The following COL23A1 variants were observed in gnomAD, a reference collection of about 807,000 sequenced individuals.
The protein encoded by COL23A1 is collagen alpha-1(XXIII) chain.
In COL23A1, 97 loss-of-function variants were observed where a neutral mutation model predicts 99.3. That is an observed-to-expected ratio of 0.98 (90% confidence interval 0.83 to 1.16). The LOEUF (loss-of-function observed/expected upper bound fraction) is 1.16, where lower values mean the gene tolerates loss of function less well. Among genes scored for constraint, COL23A1 ranks in the 50% most tolerant of loss-of-function variants. The pLI is 0.00. For missense variants in COL23A1, 762 were observed against 757.4 expected (o/e 1.01, Z -0.07); for synonymous variants, 320 against 308.2 (o/e 1.04, Z -0.40).
intron 2 of COL23A1, among the ~76,000 whole-genome samples, chr5:178,355,152 T>C (rs1276803668): frequency 3.3e-5 from 5 of 152,106 alleles, no homozygotes; most frequent in Admixed American, 2.0e-4. Context: ...TAGAGATGAC[T>C]TAAAGCATAT....
chr5:178,584,342 A>C (rs1042549354), intron 1 of COL23A1, among the ~76,000 whole-genome samples: 9 of 148,894 alleles, frequency 6.0e-5, no homozygotes, highest in South Asian at 2.2e-4. Flanking sequence ...ACACACACAC[A>C]CCTAGAAATA....
intron 8 of COL23A1, 41 bp from the exon 9 acceptor site, chr5:178,263,365 G>A: frequency 7.8e-7 from 1 of 1,287,796 alleles, no homozygotes; most frequent in Non-Finnish European, 1.1e-6. Flanking sequence ...AGGGGGAGGG[G>A]GTCCAGCCTC....
intron 2 of COL23A1, among the ~76,000 whole-genome samples, chr5:178,323,724 C>T (rs532590524): frequency 2.6e-3 from 400 of 152,228 alleles, no homozygotes; most frequent in African/African-American, 9.1e-3. Flanking sequence ...TGGAGCAGGG[C>T]GCTGGAACGC....
rs115066855 is a variant in COL23A1 at position 178,285,532 on chromosome 5, A to G, written c.441+2792T>C. Among the ~76,000 whole-genome samples, 406 of 152,330 alleles carry G rather than the reference A, an allele frequency of 2.7e-3. 3 individuals are homozygous for G. Among genetic ancestry groups the G allele is most frequent in the African/African-American group, 9.2e-3 (381 of 41,574 alleles). On this transcript the variant is annotated intron_variant, in intron 5 of 28. Transcript: ENST00000390654. ...ATTTCTGAAACCCATCTTTTCTTCTATTGAGACTGTCAACGATGAGGAAAG... is the reference window on the plus strand; with the variant it reads ...ATTTCTGAAACCCATCTTTTCTTCTGTTGAGACTGTCAACGATGAGGAAAG...
intron 2 of COL23A1, among the ~76,000 whole-genome samples, chr5:178,464,946 A>T (rs146583942): frequency 1.8e-3 from 267 of 152,346 alleles, no homozygotes; most frequent in Non-Finnish European, 2.8e-3. Flanking sequence ...TCCTTCCAGA[A>T]TGCCACTGCT....
intron 1 of COL23A1, among the ~76,000 whole-genome samples, chr5:178,569,674 A>G (rs1202700634): frequency 6.6e-6 from 1 of 152,162 alleles, no homozygotes; most frequent in Non-Finnish European, 1.5e-5. Flanking sequence ...GCTGAAATCA[A>G]TGAGTCAGCT....
chr5:178,319,211 T>C (rs1581143875), intron 2 of COL23A1, among the ~76,000 whole-genome samples: 3 of 152,176 alleles, frequency 2.0e-5, no homozygotes, highest in South Asian at 2.1e-4. Flanking sequence ...CCCCAGAGCC[T>C]GTCATCTCCT....
chr5:178,343,903 T>C (rs565739621), intron 2 of COL23A1, among the ~76,000 whole-genome samples: 8 of 152,252 alleles, frequency 5.3e-5, no homozygotes, highest in Admixed American at 2.6e-4. Context: ...GCTCGTGATC[T>C]GCCCACCTTG....
intron 2 of COL23A1, among the ~76,000 whole-genome samples, chr5:178,531,232 A>T (rs892596033): frequency 2.0e-5 from 3 of 152,220 alleles, no homozygotes; most frequent in Non-Finnish European, 2.9e-5. Context: ...TAACGGGAAC[A>T]AGATGGAAGG....
At chr5:178,336,601 G>T (rs1404435383) in intron 2 of COL23A1, among the ~76,000 whole-genome samples, 1 of 152,180 alleles carries the variant, frequency 6.6e-6, no homozygotes, top group Admixed American at 6.5e-5. Context: ...CTGCTTACAG[G>T]GGAGGAGTAT....
intron 10 of COL23A1, among the ~76,000 whole-genome samples, 192 bp from the exon 11 acceptor site, chr5:178,261,940 G>A (rs962055808): frequency 4.6e-5 from 7 of 152,218 alleles, no homozygotes; most frequent in African/African-American, 1.7e-4. Context: ...TCTGCATTAG[G>A]GCTCAGGTGG....
chr5:178,488,433 T>C (rs1355004763), intron 2 of COL23A1, among the ~76,000 whole-genome samples: 2 of 152,138 alleles, frequency 1.3e-5, no homozygotes, highest in Non-Finnish European at 2.9e-5. Flanking sequence ...TCTCCCTTTG[T>C]GGCACATGAA....
At position 178,393,569 on chromosome 5, in the gene COL23A1, T is replaced by C. The variant is rs376882725; in HGVS notation, c.362-86650A>G. 1.2e-4 allele frequency among the ~76,000 whole-genome samples: 19 copies of C among 152,294 alleles called. No individual in the cohort carries two copies. The East Asian group carries it at 3.1e-3, about 25-fold the overall frequency. On this transcript the variant is annotated intron_variant, in intron 2 of 28. Transcript: ENST00000390654. Reference sequence around the variant, plus strand: ...CAATAAAAAAATTTCCCTGGCACCATTCAGATCATGTGAGACCAGCTCCCA... The same window carrying C: ...CAATAAAAAAATTTCCCTGGCACCACTCAGATCATGTGAGACCAGCTCCCA...
chr5:178,246,546 G>A, intron 22 of COL23A1, 93 bp from the exon 23 acceptor site: 1 of 1,311,126 alleles, frequency 7.6e-7, no homozygotes, highest in South Asian at 1.3e-5. Flanking sequence ...CTGGGATGTG[G>A]ACAGAGGAAC....
intron 2 of COL23A1, among the ~76,000 whole-genome samples, chr5:178,524,764 G>C (rs1452706389): frequency 2.6e-5 from 4 of 152,118 alleles, no homozygotes; most frequent in Non-Finnish European, 5.9e-5. Context: ...TTTTTCATAA[G>C]GGCCCCTGTC....
At chr5:178,547,943 CCCACA>C (rs1441680435) in intron 2 of COL23A1, among the ~76,000 whole-genome samples, 1 of 96,764 alleles carries the variant, frequency 1.0e-5, no homozygotes, top group African/African-American at 4.5e-5. Flanking sequence ...ACACCCACCC[CCCACA>C]CACACCCACA....
chr5:178,461,547 T>C (rs1756123177), intron 2 of COL23A1, among the ~76,000 whole-genome samples: 2 of 152,190 alleles, frequency 1.3e-5, no homozygotes, highest in African/African-American at 2.4e-5. Flanking sequence ...CTTAGATAAC[T>C]GTGGGAATGC....
intron 2 of COL23A1, among the ~76,000 whole-genome samples, chr5:178,464,288 A>G (rs1465521212): frequency 6.6e-6 from 1 of 152,192 alleles, no homozygotes; most frequent in African/African-American, 2.4e-5. Context: ...GGGACCTCCT[A>G]TGCGTAAAAT....
At chr5:178,402,059 G>A (rs1581315031) in intron 2 of COL23A1, among the ~76,000 whole-genome samples, 2 of 152,090 alleles carry the variant, frequency 1.3e-5, no homozygotes, top group Non-Finnish European at 2.9e-5. Flanking sequence ...CAGGTGATCC[G>A]CCCACCTCAG....
Sources: gnomAD v4.1 joint callset for allele counts (sites outside exome capture counted in the v4.1 genomes callset) on GRCh38, gnomAD v4.1.1 for gene constraint, MANE v1.5 for transcripts, NCBI Gene and HGNC (gene_info 2026-07-23, HGNC 2026-07-21) for gene names.